Variants in GPHN observed in about 807,000 individuals in gnomAD.
GPHN encodes gephyrin.
In GPHN, 17 loss-of-function variants were observed where a neutral mutation model predicts 95.5. The ratio of observed to expected loss-of-function variants is 0.18; its 90% CI spans 0.12 to 0.27. GPHN has a LOEUF of 0.27. GPHN is among the 10% of genes least tolerant of loss of function. The pLI, the probability that GPHN is intolerant of heterozygous loss-of-function variation, is 1.00. For missense variants in GPHN, 660 were observed against 978.1 expected (o/e 0.67, Z 4.34); for synonymous variants, 320 against 322.5 (o/e 0.99, Z 0.08).
chr14:67,185,447 G>A (rs17104097), downstream of GPHN, among the ~76,000 whole-genome samples: 454 of 152,314 alleles, frequency 3.0e-3, 3 homozygotes, highest in African/African-American at 0.01. Context: ...ACTTGGCACG[G>A]TGGACATCAA....
the GPHN span, chr14:67,572,213 C>G: frequency 1.9e-6 from 3 of 1,609,242 alleles, no homozygotes; most frequent in South Asian, 3.3e-5. Flanking sequence ...AGTGACTACT[C>G]AGAGCCTGAG....
chr14:67,575,995 A>G, the GPHN span: 2 of 1,611,348 alleles, frequency 1.2e-6, no homozygotes, highest in African/African-American at 1.3e-5. Flanking sequence ...ATTGGCACCA[A>G]GCATGAAAAG....
chr14:66,518,353 A>T (rs912864690), intron 1 of GPHN, among the ~76,000 whole-genome samples: 4 of 152,126 alleles, frequency 2.6e-5, no homozygotes, highest in Non-Finnish European at 4.4e-5. Flanking sequence ...GCTGCCAAGG[A>T]TGTAGAGAAA....
chr14:67,722,532 G>C, the GPHN span: 1 of 879,038 alleles, frequency 1.1e-6, no homozygotes, highest in Non-Finnish European at 2.0e-6. Context: ...GAGAGGAGCA[G>C]AGAAGCAGCA....
intron 4 of GPHN, among the ~76,000 whole-genome samples, chr14:66,836,988 T>C (rs1358368859): frequency 6.8e-6 from 1 of 146,908 alleles, no homozygotes; most frequent in East Asian, 2.1e-4. Flanking sequence ...ACTTTTACAC[T>C]GTTGGTGGGA....
intron 9 of GPHN, among the ~76,000 whole-genome samples, chr14:67,011,334 A>T (rs1046098876): frequency 1.3e-5 from 2 of 151,946 alleles, no homozygotes; most frequent in African/African-American, 4.8e-5. Flanking sequence ...ACACTTTGGT[A>T]GGCCAAGGCA....
the GPHN span, chr14:67,390,801 C>G: frequency 8.2e-7 from 1 of 1,219,098 alleles, no homozygotes; most frequent in Non-Finnish European, 1.2e-6. Flanking sequence ...GTCCCTCTCT[C>G]CTGTATCTAT....
At chr14:67,045,717 C>CTCTG (rs1029337359) in intron 10 of GPHN, among the ~76,000 whole-genome samples, 15 of 151,344 alleles carry the variant, frequency 9.9e-5, no homozygotes, top group Admixed American at 9.9e-4. Context: ...GTCTCTCTCT[C>CTCTG]TCTGTCTGTC....
chr14:67,004,320 CT>C (rs770561573), intron 9 of GPHN, among the ~76,000 whole-genome samples: 1 of 151,720 alleles, frequency 6.6e-6, no homozygotes, highest in Non-Finnish European at 1.5e-5. Context: ...GTTGTTTATA[CT>C]TTCAGTTTTG....
chr14:67,275,109 A>G, the GPHN span, among the ~76,000 whole-genome samples: 1 of 152,126 alleles, frequency 6.6e-6, no homozygotes, highest in Non-Finnish European at 1.5e-5. Flanking sequence ...AATACCCTTT[A>G]TTTCTTTCTC....
chr14:67,376,700 A>G, the GPHN span: 3 of 1,233,016 alleles, frequency 2.4e-6, no homozygotes, highest in African/African-American at 1.5e-5. Context: ...AGATTAAAAT[A>G]TTTTGTATTG....
At chr14:66,522,634 T>G (rs2058527622) in intron 1 of GPHN, among the ~76,000 whole-genome samples, 1 of 152,164 alleles carries the variant, frequency 6.6e-6, no homozygotes, top group Non-Finnish European at 1.5e-5. Context: ...GATGATCTCT[T>G]GAAAATCTGT....
the GPHN span, among the ~76,000 whole-genome samples, chr14:67,622,340 TCTC>T: frequency 6.6e-6 from 1 of 152,266 alleles, no homozygotes; most frequent in South Asian, 2.1e-4. Flanking sequence ...AGTGAAGTCA[TCTC>T]CTTCCAAAAG....
At chr14:67,296,585 C>CA in the GPHN span, among the ~76,000 whole-genome samples, 2,665 of 50,862 alleles carry the variant, frequency 0.052, 586 homozygotes, top group Non-Finnish European at 0.11. Context: ...AACTCTGTCT[C>CA]AAAAAAAAAA....
intron 17 of GPHN, among the ~76,000 whole-genome samples, chr14:67,125,602 C>G (rs1434219620): frequency 6.6e-6 from 1 of 152,046 alleles, no homozygotes; most frequent in East Asian, 1.9e-4. Context: ...CGTGGCGAAC[C>G]CCCGTCTGTA....
chr14:67,692,579 A>G, the GPHN span: 5 of 1,587,672 alleles, frequency 3.1e-6, no homozygotes, highest in Non-Finnish European at 4.3e-6. Context: ...CGGCAAGCTA[A>G]ATATACTCGA....
At chr14:67,058,291 T>C (rs1055034438) in intron 10 of GPHN, among the ~76,000 whole-genome samples, 3 of 152,246 alleles carry the variant, frequency 2.0e-5, no homozygotes, top group African/African-American at 7.2e-5. Context: ...GCGATTTTGA[T>C]TGACCATGAG....
chr14:67,679,595 G>C, the GPHN span, among the ~76,000 whole-genome samples: 2 of 151,908 alleles, frequency 1.3e-5, no homozygotes, highest in Non-Finnish European at 2.9e-5. Context: ...GTAGAGACAG[G>C]GTTTTGCCAT....
chr14:67,434,115 G>T, the GPHN span, among the ~76,000 whole-genome samples: 5 of 152,276 alleles, frequency 3.3e-5, no homozygotes, highest in South Asian at 6.2e-4. Context: ...CCAGTATCCT[G>T]CTCCTTTTTG....
Sources: allele counts gnomAD v4.1 joint callset (sites outside exome capture counted in the v4.1 genomes callset), GRCh38; gene constraint gnomAD v4.1.1; transcripts MANE v1.5; gene names NCBI Gene and HGNC (gene_info 2026-07-23, HGNC 2026-07-21).